CCBE1: variants seen among roughly 807,000 people sequenced by gnomAD.
CCBE1 encodes collagen and calcium binding EGF domains 1, also known as collagen and calcium-binding EGF domain-containing protein 1.
In CCBE1, 37 loss-of-function variants were observed where a neutral mutation model predicts 50.0. That is an observed-to-expected ratio of 0.74 (90% CI 0.57 to 0.97). CCBE1 has a LOEUF of 0.97. Ranked by LOEUF, CCBE1 falls within the 50% of genes least tolerant of loss-of-function variation. The pLI, the probability that CCBE1 is intolerant of heterozygous loss-of-function variation, is 0.00. For synonymous variants in CCBE1, 234 were observed against 203.7 expected (o/e 1.15, Z -1.27); for missense variants, 538 against 523.8 (o/e 1.03, Z -0.26).
intron 2 of CCBE1, among the ~76,000 whole-genome samples, chr18:59,561,674 G>A (rs755387606): frequency 5.5e-4 from 83 of 152,292 alleles, no homozygotes; most frequent in Non-Finnish European, 7.1e-4. Flanking sequence ...GCATGCTAGC[G>A]CCCAGAGTAA....
chr18:59,596,204 A>T (rs899134124), intron 2 of CCBE1, among the ~76,000 whole-genome samples: 2 of 152,112 alleles, frequency 1.3e-5, no homozygotes, highest in East Asian at 1.9e-4. Context: ...AGCTCAAACC[A>T]TTTCAGTGTT....
At chr18:59,664,670 G>T (rs533886680) in intron 2 of CCBE1, among the ~76,000 whole-genome samples, 1 of 152,090 alleles carries the variant, frequency 6.6e-6, no homozygotes, top group Non-Finnish European at 1.5e-5. Flanking sequence ...ACCCTCTACC[G>T]ATCTGTCTCA....
intron 2 of CCBE1, among the ~76,000 whole-genome samples, chr18:59,689,015 G>A (rs1046090782): frequency 7.9e-5 from 12 of 152,160 alleles, no homozygotes; most frequent in Non-Finnish European, 1.5e-4. Flanking sequence ...AAATATCTGG[G>A]ACTTTGGGGG....
rs768229052 is a variant in CCBE1, at chr18:59,436,092, C to T, written c.1037G>A (p.Arg346His). The part of the protein sequence containing the change: ...DFLLLMLADI[R>H]NDITELQEKV... ...TTCCTGCAGCTCAGTGATGTCATTGCGGATGTCAGCCAGCATAAGTAGCAG... is the reference window on the plus strand; with the variant it reads ...TTCCTGCAGCTCAGTGATGTCATTGTGGATGTCAGCCAGCATAAGTAGCAG... Residue 346 changes from arginine (R) to histidine (H), a missense_variant, in exon 11 of 11, where the codon CGC becomes CAC. Coordinates refer to ENST00000439986, the MANE Select transcript of CCBE1 (RefSeq NM_133459.4). 9.3e-6 allele frequency: 15 copies of T among 1,614,034 alleles called. No individual in the cohort carries two copies. The highest frequency in any genetic ancestry group is 4.0e-5 in the African/African-American group (3 of 74,898).
intron 2 of CCBE1, among the ~76,000 whole-genome samples, chr18:59,633,733 T>TG (rs1415501951): frequency 6.8e-6 from 1 of 147,478 alleles, no homozygotes; most frequent in African/African-American, 2.5e-5. Context: ...TAGGGTTTGT[T>TG]TTTTTTTTTT....
At chr18:59,664,882 A>T (rs929294511) in intron 2 of CCBE1, among the ~76,000 whole-genome samples, 2 of 152,192 alleles carry the variant, frequency 1.3e-5, no homozygotes, top group Non-Finnish European at 2.9e-5. Flanking sequence ...GTCTCAGGCA[A>T]ATCAGGACAA....
At chr18:59,501,648 A>C (rs961080870) in intron 2 of CCBE1, among the ~76,000 whole-genome samples, 2 of 152,100 alleles carry the variant, frequency 1.3e-5, no homozygotes, top group Non-Finnish European at 2.9e-5. Flanking sequence ...CCACATTCCT[A>C]CTACCTGTGC....
At chr18:59,447,912 C>A in intron 7 of CCBE1, 71 bp downstream of exon 7, 1 of 1,608,904 alleles carries the variant, frequency 6.2e-7, no homozygotes, top group Non-Finnish European at 8.5e-7. Flanking sequence ...TGTCCAGGCC[C>A]CAGCAAATGT....
chr18:59,648,917 T>G (rs941693770), intron 2 of CCBE1, among the ~76,000 whole-genome samples: 3 of 152,188 alleles, frequency 2.0e-5, no homozygotes, highest in African/African-American at 4.8e-5. Context: ...ATGCCCAGGT[T>G]AGAGCTGTGA....
intron 2 of CCBE1, among the ~76,000 whole-genome samples, chr18:59,587,791 T>A (rs1304465111): frequency 1.3e-5 from 2 of 152,184 alleles, no homozygotes; most frequent in Non-Finnish European, 2.9e-5. Flanking sequence ...CCCAAAAGAA[T>A]CTTGAAGTTA....
intron 2 of CCBE1, among the ~76,000 whole-genome samples, chr18:59,658,327 A>T (rs1356693349): frequency 0.044 from 467 of 10,704 alleles, 107 homozygotes; most frequent in Non-Finnish European, 0.058. Context: ...TCTCTAAAAA[A>T]AAAAAAAAAA....
intron 2 of CCBE1, among the ~76,000 whole-genome samples, chr18:59,597,660 T>C (rs1175436819): frequency 6.6e-6 from 1 of 152,190 alleles, no homozygotes; most frequent in Non-Finnish European, 1.5e-5. Context: ...CTGGTATCGG[T>C]CATGGCTGGA....
chr18:59,684,672 G>C (rs2054634302), intron 2 of CCBE1, among the ~76,000 whole-genome samples: 1 of 152,102 alleles, frequency 6.6e-6, no homozygotes, highest in African/African-American at 2.4e-5. Flanking sequence ...CCATTTCTAT[G>C]ATTTAGTCAG....
At chr18:59,438,643 C>T (rs1343967809) in intron 9 of CCBE1, among the ~76,000 whole-genome samples, 1 of 152,220 alleles carries the variant, frequency 6.6e-6, no homozygotes, top group African/African-American at 2.4e-5. Context: ...TTAAAATTTA[C>T]AGGGGTCACT....
chr18:59,534,494 G>A (rs566486067), intron 2 of CCBE1, among the ~76,000 whole-genome samples: 18 of 152,352 alleles, frequency 1.2e-4, no homozygotes, highest in Admixed American at 7.2e-4. Context: ...TTGATCCTCT[G>A]TCTGAGAGGG....
At chr18:59,622,967 C>G (rs1369553274) in intron 2 of CCBE1, among the ~76,000 whole-genome samples, 1 of 151,872 alleles carries the variant, frequency 6.6e-6, no homozygotes, top group Non-Finnish European at 1.5e-5. Context: ...TTATCTAAAC[C>G]CACAGAACAT....
intron 2 of CCBE1, among the ~76,000 whole-genome samples, chr18:59,493,081 A>G (rs1165081879): frequency 6.6e-6 from 1 of 152,172 alleles, no homozygotes; most frequent in Non-Finnish European, 1.5e-5. Flanking sequence ...CTGTAAATAC[A>G]ATTTGCTGAT....
chr18:59,559,540 C>CA (rs373296899), intron 2 of CCBE1, among the ~76,000 whole-genome samples: 247 of 152,330 alleles, frequency 1.6e-3, no homozygotes, highest in African/African-American at 5.6e-3. Flanking sequence ...AACCCAGTCC[C>CA]ATCCAAGCAT....
chr18:59,536,628 T>C (rs919133194), intron 2 of CCBE1, among the ~76,000 whole-genome samples: 1 of 152,102 alleles, frequency 6.6e-6, no homozygotes. Context: ...GAACGACCAA[T>C]GCAACAGCCA....
Sources: gnomAD v4.1 joint callset for allele counts (sites outside exome capture counted in the v4.1 genomes callset) on GRCh38, gnomAD v4.1.1 for gene constraint, MANE v1.5 for transcripts, NCBI Gene and HGNC (gene_info 2026-07-23, HGNC 2026-07-21) for gene names.